PCDHA5: variants seen among roughly 807,000 people sequenced by gnomAD.
PCDHA5 encodes protocadherin alpha 5.
A neutral mutation model predicts 61.6 loss-of-function variants in PCDHA5; 43 were observed. The observed-to-expected ratio is 0.70, with a 90% confidence interval of 0.55 to 0.90. PCDHA5 has a LOEUF of 0.90. Among genes scored for constraint, PCDHA5 ranks in the 40% least tolerant of loss-of-function variants. PCDHA5 has a pLI of 0.00. For synonymous variants in PCDHA5, 627 were observed against 543.9 expected, an observed-to-expected ratio of 1.15 and a Z score of -2.13; for missense variants, 1,298 against 1,222.7, an observed-to-expected ratio of 1.06 and a Z score of -0.92.
At chr5:140,881,523 C>T in intron 1 of PCDHA5, 1 of 194,568 alleles carries the variant, frequency 5.1e-6, no homozygotes, top group Non-Finnish European at 9.4e-6. Context: ...AAATCCCACA[C>T]ATATTGACTG....
At chr5:140,835,268 G>A in intron 1 of PCDHA5, 5 of 1,609,704 alleles carry the variant, frequency 3.1e-6, no homozygotes, top group Non-Finnish European at 4.2e-6. Flanking sequence ...AGTTCCACAT[G>A]GACCCCTTAA....
rs139717033 is a variant in PCDHA5 at position 140,850,329 on chromosome 5, C to A, written c.2352+26202C>A. ...CAACGCGTGGCTTTCATACGAGCTG[C>A]AGCCAGAAACGGCCAGCGCGAGCAT... On this transcript the variant is annotated intron_variant, in intron 1 of 3. Coordinates refer to ENST00000529859, the MANE Select transcript of PCDHA5 (RefSeq NM_018908.3). 510 of 1,597,650 alleles carry A rather than the reference C, an allele frequency of 3.2e-4. 26 individuals are homozygous for A. The African/African-American group carries it at 6.2e-3, about 19-fold the overall frequency.
At chr5:140,884,130 C>A in intron 1 of PCDHA5, 1 of 1,613,434 alleles carries the variant, frequency 6.2e-7, no homozygotes, top group South Asian at 1.1e-5. Context: ...GCGCGCATCC[C>A]GTTCCGCGTG....
intron 1 of PCDHA5, chr5:140,928,699 G>C (rs782291734): frequency 1.2e-6 from 2 of 1,614,170 alleles, no homozygotes; most frequent in East Asian, 2.2e-5. Flanking sequence ...CATCTCCCGG[G>C]CGTCTGACTC....
rs782410675 is a variant in PCDHA5 at position 140,884,460 on chromosome 5, C to G, written c.2352+60333C>G. On this transcript the variant is annotated intron_variant, in intron 1 of 3. Coordinates refer to ENST00000529859, the MANE Select transcript of PCDHA5 (RefSeq NM_018908.3). ...TGCTCGGCACCGCCCACCGAGGGCGCGTGCGCGCCGGGCAAGCCCACTCTA... is the reference window on the plus strand; with the variant it reads ...TGCTCGGCACCGCCCACCGAGGGCGGGTGCGCGCCGGGCAAGCCCACTCTA... The G allele has an allele frequency of 2.5e-6, 4 of 1,613,614 alleles. No individual in the cohort carries two copies. Among genetic ancestry groups the G allele is most frequent in the Non-Finnish European group, 2.5e-6 (3 of 1,179,818 alleles).
At chr5:140,890,596 C>T (rs1236261988) in intron 1 of PCDHA5, among the ~76,000 whole-genome samples, 5 of 152,064 alleles carry the variant, frequency 3.3e-5, no homozygotes, top group African/African-American at 1.2e-4. Context: ...AGCCCTTTTC[C>T]GAATAGCTAG....
chr5:140,864,013 A>G (rs574478230), intron 1 of PCDHA5: 3 of 153,164 alleles, frequency 2.0e-5, no homozygotes, highest in African/African-American at 4.8e-5. Flanking sequence ...AAAAAAAAGT[A>G]CATTGGAAGT....
intron 1 of PCDHA5, among the ~76,000 whole-genome samples, chr5:140,937,675 G>A (rs2091663642): frequency 6.6e-6 from 1 of 151,688 alleles, no homozygotes; most frequent in Admixed American, 6.6e-5. Flanking sequence ...CACTTTGGGA[G>A]GCTGAGGCAG....
At chr5:140,969,436 A>G (rs1289383219) in intron 1 of PCDHA5, 2 of 1,549,954 alleles carry the variant, frequency 1.3e-6, no homozygotes, top group Non-Finnish European at 1.7e-6. Flanking sequence ...GACAAGAGTT[A>G]TCTGGTAAAC....
At chr5:140,901,297 T>C (rs1224181769) in intron 1 of PCDHA5, among the ~76,000 whole-genome samples, 1 of 152,234 alleles carries the variant, frequency 6.6e-6, no homozygotes, top group Non-Finnish European at 1.5e-5. Context: ...CAGACTGATG[T>C]TCCGGAGAGT....
chr5:140,836,602 T>C lies in PCDHA5; in HGVS notation c.2352+12475T>C, dbSNP rs2150265229. The C allele has an allele frequency of 3.1e-6, 5 of 1,613,586 alleles. No individual in the cohort carries two copies. The Admixed American group carries it at 5.0e-5, about 16-fold the overall frequency. On this transcript the variant is annotated intron_variant, in intron 1 of 3. Coordinates refer to ENST00000529859, the MANE Select transcript of PCDHA5 (RefSeq NM_018908.3). ...TGTAGTTTGGTAAAGCCCACTCTGGTGTGCTCCAGCGCGGTGGGGAGCTGG... is the reference window on the plus strand; with the variant it reads ...TGTAGTTTGGTAAAGCCCACTCTGGCGTGCTCCAGCGCGGTGGGGAGCTGG...
chr5:140,859,471 T>TAG, intron 1 of PCDHA5: 1 of 211,266 alleles, frequency 4.7e-6, no homozygotes, highest in Non-Finnish European at 9.2e-6. Context: ...ACACTATCAA[T>TAG]TGTGTTTTCC....
At chr5:140,999,280 T>C (rs782502393) in intron 3 of PCDHA5, among the ~76,000 whole-genome samples, 2 of 152,228 alleles carry the variant, frequency 1.3e-5, no homozygotes, top group Non-Finnish European at 2.9e-5. Context: ...ATAGTAGTAA[T>C]ACCCATTCTT....
At chr5:140,938,878 C>T (rs1324581693) in intron 1 of PCDHA5, among the ~76,000 whole-genome samples, 3 of 151,098 alleles carry the variant, frequency 2.0e-5, no homozygotes, top group Admixed American at 1.3e-4. Context: ...TAAGAAGCAA[C>T]ACACACACAC....
chr5:140,871,302 G>T lies in PCDHA5; in HGVS notation c.2352+47175G>T, dbSNP rs2052939724. ...CGCCCACTGAGGGCGCGTGCGCGCCGGGGAAGCCCACGCTGGTGTGCTCCC... is the reference window on the plus strand; with the variant it reads ...CGCCCACTGAGGGCGCGTGCGCGCCTGGGAAGCCCACGCTGGTGTGCTCCC... On this transcript the variant is annotated intron_variant, in intron 1 of 3. Coordinates refer to ENST00000529859, the MANE Select transcript of PCDHA5 (RefSeq NM_018908.3). 1.9e-6 allele frequency: 3 copies of T among 1,613,974 alleles called. 1 individual carries two copies. Among genetic ancestry groups the T allele is most frequent in the South Asian group, 2.2e-5 (2 of 91,078 alleles).
chr5:140,883,885 C>T (rs550197512), intron 1 of PCDHA5: 4 of 1,613,260 alleles, frequency 2.5e-6, no homozygotes, highest in East Asian at 4.5e-5. Context: ...GCGCGCGCGA[C>T]TCTGGCGTGC....
chr5:140,848,583 C>T (rs2040479456), intron 1 of PCDHA5: 1 of 1,595,014 alleles, frequency 6.3e-7, no homozygotes, highest in Non-Finnish European at 8.6e-7. Flanking sequence ...GGGGAGCGGC[C>T]AGCTCCACTA....
intron 1 of PCDHA5, among the ~76,000 whole-genome samples, chr5:140,950,215 T>C (rs2094460409): frequency 6.6e-6 from 1 of 152,030 alleles, no homozygotes; most frequent in Non-Finnish European, 1.5e-5. Flanking sequence ...TACCTAGTCA[T>C]TTACCATTTC....
intron 1 of PCDHA5, chr5:140,870,816 C>A: frequency 4.3e-6 from 7 of 1,613,668 alleles, no homozygotes; most frequent in Admixed American, 1.7e-5. Flanking sequence ...AGGCTGGCAG[C>A]GCGGGAGGCG....
Sources: allele counts gnomAD v4.1 joint callset (sites outside exome capture counted in the v4.1 genomes callset), GRCh38; gene constraint gnomAD v4.1.1; transcripts MANE v1.5; gene names NCBI Gene and HGNC (gene_info 2026-07-23, HGNC 2026-07-21).